The following SNTG2 variants were observed in gnomAD, a reference collection of about 807,000 sequenced individuals.
SNTG2 encodes the protein gamma-2-syntrophin.
SNTG2 carries 74 observed loss-of-function variants against 70.9 expected under a neutral mutation model. That is an observed-to-expected ratio of 1.04 (90% CI 0.86 to 1.27). SNTG2 has a LOEUF of 1.27. SNTG2 is among the 50% of genes most tolerant of loss of function. The pLI is 0.00. For missense variants in SNTG2, 717 were observed against 690.7 expected (o/e 1.04, Z -0.43); for synonymous variants, 278 against 273.8 (o/e 1.02, Z -0.15).
intron 6 of SNTG2, chr2:1,161,641 A>T (rs749191280): frequency 4.6e-5 from 7 of 152,240 alleles, no homozygotes; most frequent in African/African-American, 7.2e-5. Flanking sequence ...GCTTCAAACT[A>T]AATAAAAAAT....
At chr2:1,354,127 C>G (rs866728815) in intron 16 of SNTG2, among the ~76,000 whole-genome samples, 1 of 152,062 alleles carries the variant, frequency 6.6e-6, no homozygotes, top group African/African-American at 2.4e-5. Flanking sequence ...TTTCAGCCAC[C>G]GTTAAATATT....
At chr2:1,211,996 A>T (rs1047071576) in intron 9 of SNTG2, among the ~76,000 whole-genome samples, 1 of 152,278 alleles carries the variant, frequency 6.6e-6, no homozygotes, top group South Asian at 2.1e-4. Flanking sequence ...CAGGAGAATG[A>T]AATGGAACCC....
At chr2:1,248,543 C>A (rs1323939566) in intron 12 of SNTG2, among the ~76,000 whole-genome samples, 4 of 152,214 alleles carry the variant, frequency 2.6e-5, no homozygotes, top group African/African-American at 9.6e-5. Flanking sequence ...TGAATAATGA[C>A]TGAATTCCCC....
intron 14 of SNTG2, among the ~76,000 whole-genome samples, chr2:1,277,608 C>T (rs1679320894): frequency 6.6e-6 from 1 of 152,202 alleles, no homozygotes; most frequent in African/African-American, 2.4e-5. Flanking sequence ...TGCTTTATTG[C>T]AGTGGTCTAG....
intron 8 of SNTG2, among the ~76,000 whole-genome samples, chr2:1,192,543 T>C (rs1307025213): frequency 6.6e-6 from 1 of 152,150 alleles, no homozygotes; most frequent in Non-Finnish European, 1.5e-5. Flanking sequence ...AATTTTTTAA[T>C]TTTAGAAAAC....
intron 4 of SNTG2, among the ~76,000 whole-genome samples, chr2:1,106,630 C>T (rs1326006798): frequency 2.1e-5 from 3 of 140,508 alleles, no homozygotes. Context: ...TGGAGAGCTC[C>T]TTGGTAATAG....
intron 1 of SNTG2, among the ~76,000 whole-genome samples, chr2:1,037,555 G>T (rs1240501171): frequency 6.6e-6 from 1 of 152,036 alleles, no homozygotes; most frequent in Non-Finnish European, 1.5e-5. Flanking sequence ...TTGCCTCTCT[G>T]GATTTGCGAC....
chr2:1,000,386 A>G (rs966288260), intron 1 of SNTG2, among the ~76,000 whole-genome samples: 2 of 151,932 alleles, frequency 1.3e-5, no homozygotes, highest in African/African-American at 4.8e-5. Flanking sequence ...ACCACTAGCT[A>G]TATTGACCAA....
At chr2:1,283,894 T>C (rs888081097) in intron 14 of SNTG2, among the ~76,000 whole-genome samples, 3 of 152,122 alleles carry the variant, frequency 2.0e-5, no homozygotes, top group African/African-American at 7.2e-5. Context: ...AAATATAAAA[T>C]AGAGCTGCTG....
chr2:1,083,626 T>C lies in SNTG2; in HGVS notation c.181T>C (p.Cys61Arg), dbSNP rs1281645412. Residue 61 changes from cysteine to arginine, a missense_variant, in exon 2 of 17, where the codon TGT (cysteine) becomes CGT (arginine). Physicochemically the swap from Cys to Arg is radical, Grantham distance 180. Transcript: ENST00000308624. ...GACAATTCAGAAACAAGATGTTGTC[T>C]GTGTGGGCGGAAGCCACCAGGGCAG... Reference protein sequence around the residue: ...VLTIQKQDVVCVGGSHQGRNR... With the variant: ...VLTIQKQDVVRVGGSHQGRNR... 2 of 1,613,638 alleles carry C rather than the reference T, an allele frequency of 1.2e-6. No individual in the cohort carries two copies. Among genetic ancestry groups the C allele is most frequent in the Non-Finnish European group, 1.7e-6 (2 of 1,179,712 alleles).
chr2:1,161,867 G>A (rs1670308654), intron 6 of SNTG2, among the ~76,000 whole-genome samples: 1 of 152,100 alleles, frequency 6.6e-6, no homozygotes, highest in Non-Finnish European at 1.5e-5. Context: ...GAGGTCAGGA[G>A]ATCGAGACCA....
intron 8 of SNTG2, among the ~76,000 whole-genome samples, chr2:1,191,865 C>T (rs890588485): frequency 2.6e-5 from 4 of 151,714 alleles, no homozygotes; most frequent in African/African-American, 7.3e-5. Context: ...TGCTTTATAA[C>T]TTTATATATT....
intron 9 of SNTG2, among the ~76,000 whole-genome samples, chr2:1,228,967 G>A (rs1210760986): frequency 2.0e-5 from 3 of 152,048 alleles, no homozygotes; most frequent in Non-Finnish European, 4.4e-5. Flanking sequence ...CGGTGCGTCT[G>A]GAGTTGTTTG....
chr2:1,113,667 C>G (rs1335274449), intron 4 of SNTG2, among the ~76,000 whole-genome samples: 11 of 149,616 alleles, frequency 7.4e-5, no homozygotes, highest in Non-Finnish European at 1.6e-4. Context: ...ATCATGTGTA[C>G]TAAGTGAGGT....
rs1382136822 is a variant in SNTG2, at chr2:1,247,386, C to T, written c.948C>T (p.Phe316=). The T allele has an allele frequency of 1.2e-6, 2 of 1,613,968 alleles. No homozygotes were observed. Among genetic ancestry groups the T allele is most frequent in the East Asian group, 2.2e-5 (1 of 44,872 alleles). ...KLQGADSSQT[F]RPKFLALKGP... is the part of the protein sequence containing the mutation. ...AAGGAGCTGACTCCTCTCAAACCTT[C>T]AGACCCAAGTTCCTAGCACTGAAGG... Residue 316 remains phenylalanine (F), a synonymous_variant, in exon 12 of 17, where the codon TTC becomes TTT. Coordinates refer to ENST00000308624, the MANE Select transcript of SNTG2 (RefSeq NM_018968.4).
At chr2:1,011,536 T>C (rs2147997818) in intron 1 of SNTG2, among the ~76,000 whole-genome samples, 1 of 152,350 alleles carries the variant, frequency 6.6e-6, no homozygotes, top group Non-Finnish European at 1.5e-5. Flanking sequence ...TTAGTTCTAT[T>C]GTTTTTTCTT....
intron 14 of SNTG2, among the ~76,000 whole-genome samples, chr2:1,304,579 A>T (rs1680593559): frequency 1.3e-5 from 2 of 152,190 alleles, no homozygotes; most frequent in Non-Finnish European, 2.9e-5. Flanking sequence ...TACAAAAAAT[A>T]GGCGGGCATG....
At chr2:1,365,201 G>A (rs28739379) in intron 16 of SNTG2, among the ~76,000 whole-genome samples, 40,694 of 151,954 alleles carry the variant, frequency 0.27, 5,814 homozygotes, top group East Asian at 0.54. Flanking sequence ...TTAACACAAG[G>A]GCTGGGCAGG....
chr2:1,229,963 C>T (rs953228627), intron 9 of SNTG2, among the ~76,000 whole-genome samples: 6 of 152,224 alleles, frequency 3.9e-5, no homozygotes, highest in South Asian at 2.1e-4. Context: ...CCCCCGTTCC[C>T]GCTCGTGCCT....
Sources: allele counts gnomAD v4.1 joint callset (sites outside exome capture counted in the v4.1 genomes callset), GRCh38; gene constraint gnomAD v4.1.1; transcripts MANE v1.5; gene names NCBI Gene and HGNC (gene_info 2026-07-23, HGNC 2026-07-21).